Variants in SHB observed in about 807,000 individuals in gnomAD.
The protein encoded by SHB is SH2 domain containing adaptor protein B.
Under a neutral mutation model 52.3 loss-of-function variants are expected in SHB, and 20 were observed. The observed-to-expected ratio is 0.38, with a 90% CI of 0.27 to 0.56. The LOEUF (loss-of-function observed/expected upper bound fraction) is 0.56. Ranked by LOEUF, SHB falls within the 20% of genes least tolerant of loss-of-function variation. The pLI is 0.71. For synonymous variants in SHB, 397 were observed against 316.5 expected (o/e 1.25, Z -2.70); for missense variants, 825 against 723.3 (o/e 1.14, Z -1.61).
intron 2 of SHB, among the ~76,000 whole-genome samples, chr9:38,013,251 G>A (rs550292079): frequency 2.0e-5 from 3 of 152,316 alleles, no homozygotes; most frequent in African/African-American, 7.2e-5. Context: ...TCTTTAAGAG[G>A]TTCTAAATCA....
At chr9:38,018,874 G>A (rs1006505634) in intron 1 of SHB, among the ~76,000 whole-genome samples, 2 of 152,354 alleles carry the variant, frequency 1.3e-5, no homozygotes, top group Admixed American at 6.5e-5. Context: ...TGTGTGAAGC[G>A]TGCTGCTTTT....
chr9:38,023,673 C>A (rs1418683171), intron 1 of SHB, among the ~76,000 whole-genome samples: 1 of 152,192 alleles, frequency 6.6e-6, no homozygotes, highest in Non-Finnish European at 1.5e-5. Flanking sequence ...TCCCCCCTTT[C>A]CTGCTTTGGG....
intron 1 of SHB, among the ~76,000 whole-genome samples, chr9:38,056,768 T>C (rs891867697): frequency 6.6e-6 from 1 of 152,246 alleles, no homozygotes; most frequent in Non-Finnish European, 1.5e-5. Flanking sequence ...AAAAATGTTC[T>C]GCAACCCAAA....
intron 1 of SHB, among the ~76,000 whole-genome samples, chr9:38,024,982 G>C (rs1821322927): frequency 6.6e-6 from 1 of 152,246 alleles, no homozygotes; most frequent in Non-Finnish European, 1.5e-5. Flanking sequence ...ACTGGGGACA[G>C]AAGGCTGTGA....
intron 4 of SHB, among the ~76,000 whole-genome samples, chr9:37,950,779 C>T (rs533313902): frequency 6.6e-6 from 1 of 152,350 alleles, no homozygotes; most frequent in South Asian, 2.1e-4. Flanking sequence ...CAATGTAGAG[C>T]CTGATGTGGG....
intron 1 of SHB, among the ~76,000 whole-genome samples, chr9:38,043,213 G>T (rs930781006): frequency 3.9e-5 from 6 of 152,170 alleles, no homozygotes; most frequent in African/African-American, 1.4e-4. Context: ...GGAAGTCCTT[G>T]TGTCCAATGC....
chr9:37,938,127 G>A (rs1300325792), intron 5 of SHB, among the ~76,000 whole-genome samples: 1 of 152,192 alleles, frequency 6.6e-6, no homozygotes, highest in South Asian at 2.1e-4. Context: ...CAGCACAAAG[G>A]CTCTGCAAAC....
At chr9:37,934,254 A>G (rs1290276546) in intron 5 of SHB, among the ~76,000 whole-genome samples, 1 of 152,134 alleles carries the variant, frequency 6.6e-6, no homozygotes, top group Admixed American at 6.5e-5. Context: ...AGGTATAGTA[A>G]CACTCATCTC....
At chr9:38,028,638 C>A (rs948226507) in intron 1 of SHB, among the ~76,000 whole-genome samples, 1 of 152,180 alleles carries the variant, frequency 6.6e-6, no homozygotes, top group African/African-American at 2.4e-5. Flanking sequence ...CCAGCTCCAG[C>A]GCAGGCTGAG....
At chr9:37,944,786 C>T (rs1405436002) in intron 5 of SHB, among the ~76,000 whole-genome samples, 5 of 152,178 alleles carry the variant, frequency 3.3e-5, no homozygotes, top group African/African-American at 4.8e-5. Context: ...CCCTGCTAGC[C>T]GTCCCTGTCT....
At chr9:37,922,432 C>G (rs1398097285) in intron 5 of SHB, among the ~76,000 whole-genome samples, 1 of 152,222 alleles carries the variant, frequency 6.6e-6, no homozygotes, top group Non-Finnish European at 1.5e-5. Context: ...ACAATGTCCT[C>G]TGTACCTTGG....
intron 5 of SHB, among the ~76,000 whole-genome samples, chr9:37,928,671 C>T (rs775890335): frequency 1.3e-5 from 2 of 152,248 alleles, no homozygotes; most frequent in Non-Finnish European, 2.9e-5. Context: ...ATGGGAATAA[C>T]CAGAGTCCAC....
At chr9:38,031,276 T>C (rs1305233887) in intron 1 of SHB, among the ~76,000 whole-genome samples, 2 of 152,046 alleles carry the variant, frequency 1.3e-5, no homozygotes, top group African/African-American at 4.8e-5. Context: ...AGCCGAGATC[T>C]CGCCACTGCA....
In SHB at chr9:37,982,918, C is replaced by T. The variant is rs906144495; in HGVS notation, c.839-8081G>A. On this transcript the variant is annotated intron_variant, in intron 2 of 5. Coordinates refer to ENST00000377707, the MANE Select transcript of SHB (RefSeq NM_003028.3). ...TCTCTTCAGGAATAGAAAAAAAAGG[C>T]CTGGGTTTGCTCGCTGGAAAACTGA... is the stretch of plus-strand genomic sequence containing the variant. 3.2e-4 allele frequency among the ~76,000 whole-genome samples: 49 copies of T among 151,762 alleles called. 1 individual carries two copies. Among genetic ancestry groups the T allele is most frequent in the Non-Finnish European group, 1.5e-5 (1 of 67,984 alleles).
At chr9:37,926,166 C>A (rs1832248618) in intron 5 of SHB, among the ~76,000 whole-genome samples, 1 of 152,106 alleles carries the variant, frequency 6.6e-6, no homozygotes, top group Non-Finnish European at 1.5e-5. Flanking sequence ...CACCTACAAG[C>A]CTGCAAAATG....
chr9:38,054,459 C>T (rs562055421), intron 1 of SHB, among the ~76,000 whole-genome samples: 1 of 152,362 alleles, frequency 6.6e-6, no homozygotes, highest in South Asian at 2.1e-4. Context: ...ACAGTTAACA[C>T]CTCAGTGCCA....
rs1443452481 is a variant in SHB, at chr9:38,068,465, A to C, written c.181T>G (p.Ser61Ala). The C allele has an allele frequency of 6.6e-7, 1 of 1,519,674 alleles. No individual in the cohort carries two copies. The highest frequency in any genetic ancestry group is 8.8e-7 in the Non-Finnish European group (1 of 1,139,022). 94.1% of individuals were successfully genotyped at this position (1,519,674 alleles called of 1,614,324 possible). The change falls in exon 1 of 6, where the codon TCC (serine) becomes GCC (alanine). Residue 61 changes from serine to alanine, a missense_variant. Ser to Ala is a moderately conservative substitution (Grantham distance 99). Coordinates refer to ENST00000377707, the MANE Select transcript of SHB (RefSeq NM_003028.3). ...ASASCGPATASCFSASSGSLP... is the reference protein window; with the variant it reads ...ASASCGPATAACFSASSGSLP... ...GAGCCCGAAGAGGCTGAGAAGCAGG[A>C]GGCGGTGGCCGGACCGCAGGACGCC...
chr9:37,935,188 T>C (rs1832354853), intron 5 of SHB, among the ~76,000 whole-genome samples: 1 of 152,206 alleles, frequency 6.6e-6, no homozygotes. Flanking sequence ...GCCTCAGTCA[T>C]CTTACCATCG....
Position 37,955,930 on chromosome 9 carries a change from C to G in SHB, c.1179G>C (p.Gly393=), listed in dbSNP as rs746879729. 3 of 1,613,732 alleles carry G rather than the reference C, an allele frequency of 1.9e-6. No individual in the cohort carries two copies. In the East Asian group the frequency reaches 6.7e-5, roughly 36 times the overall value. The change falls in exon 4 of 6, where the codon GGG becomes GGC. Residue 393 remains glycine (G), a synonymous_variant. Transcript: ENST00000377707. ...PIKHGSPEFC[G]ILGERVDPAV... ...CAGGATCCACCCTTTCTCCTAGGAT[C>G]CCGCAGAACTCAGGGCTCCCATGTT...
Sources: allele counts gnomAD v4.1 joint callset (sites outside exome capture counted in the v4.1 genomes callset), GRCh38; gene constraint gnomAD v4.1.1; transcripts MANE v1.5; gene names NCBI Gene and HGNC (gene_info 2026-07-23, HGNC 2026-07-21).